The following MAPRE3 variants were observed in gnomAD, a reference collection of about 807,000 sequenced individuals.
MAPRE3 encodes microtubule-associated protein RP/EB family member 3.
Under a neutral mutation model 30.5 loss-of-function variants are expected in MAPRE3, and 2 were observed. The observed-to-expected ratio is 0.07, with a 90% CI of 0.03 to 0.21. The LOEUF (loss-of-function observed/expected upper bound fraction) is 0.21. Among genes scored for constraint, MAPRE3 ranks in the 10% least tolerant of loss-of-function variants. MAPRE3 has a pLI of 1.00. For missense variants in MAPRE3, 204 were observed against 351.8 expected (o/e 0.58, Z 3.36); for synonymous variants, 110 against 127.7 (o/e 0.86, Z 0.93).
chr2:26,987,503 T>C (rs540862045), intron 1 of MAPRE3, among the ~76,000 whole-genome samples: 4 of 152,224 alleles, frequency 2.6e-5, no homozygotes, highest in South Asian at 4.2e-4. Flanking sequence ...CTGGGCATGG[T>C]GGCAGGCACC....
chr2:27,020,799 C>G (rs1409495602), intron 1 of MAPRE3, among the ~76,000 whole-genome samples: 1 of 152,136 alleles, frequency 6.6e-6, no homozygotes, highest in Admixed American at 6.5e-5. Context: ...GTGGCCAGAC[C>G]TGCTTTTAGG....
At position 26,986,911 on chromosome 2, in the gene MAPRE3, G is replaced by A. The variant is rs1439227247; in HGVS notation, c.-8+16109G>A. The A allele has an allele frequency of 3.3e-5, 5 of 152,410 alleles. No homozygotes were observed. The highest frequency in any genetic ancestry group is 5.9e-5 in the Non-Finnish European group (4 of 68,170). 9.4% of individuals were successfully genotyped at this position (152,410 alleles called of 1,614,324 possible). A position where few individuals can be genotyped will look rare whatever the true frequency, so the allele number is the denominator to read the frequency against. On this transcript the variant is annotated intron_variant, in intron 1 of 6. Transcript: ENST00000233121. The surrounding 1 kb of genome is among the most constrained non-coding windows in gnomAD (Gnocchi z 4.2). The stretch of plus-strand genomic sequence containing the variant: ...TGGAAATGGTGCTTGTGGAGTGTTG[G>A]TTGGAGGGAGAGTGGGAAGCTGAGG...
intron 1 of MAPRE3, among the ~76,000 whole-genome samples, chr2:27,001,276 A>G (rs1244760431): frequency 6.6e-6 from 1 of 152,254 alleles, no homozygotes; most frequent in East Asian, 1.9e-4. Flanking sequence ...CTCCTAGGCT[A>G]CAAACTTGTA....
At position 27,025,720 on chromosome 2, in the gene MAPRE3, C is replaced by A. The variant is rs1667225274; in HGVS notation, c.607C>A (p.Leu203Ile). The change falls in exon 5 of 7, where the codon CTT (leucine) becomes ATT (isoleucine). Residue 203 changes from leucine to isoleucine, a missense_variant. Leu to Ile is a conservative substitution (Grantham distance 5, BLOSUM62 2). This residue lies in a region of MAPRE3 where 42 missense variants were observed against 81.2 expected (regional missense o/e 0.52). Transcript: ENST00000233121. The stretch of plus-strand genomic sequence containing the variant: ...CGGCCATGAGACTGATGCCCAAATT[C>A]TTGAACTCAACCAACAGGTGAGTGG... ...NGGHETDAQI[L>I]ELNQQLVDLK... is the part of the protein sequence containing the mutation. The A allele has an allele frequency of 6.2e-7, 1 of 1,614,082 alleles. No individual in the cohort carries two copies. The highest frequency in any genetic ancestry group is 1.1e-5 in the South Asian group (1 of 91,088).
rs557917676 is a variant in MAPRE3, at chr2:26,991,516, C to T, written c.-8+20714C>T. ...CTACAAATGGTCTGTGGGTCACTGC[C>T]GCTTGCTTTCTCAAATCCCTACTCC... is the stretch of plus-strand genomic sequence containing the variant. On this transcript the variant is annotated intron_variant, in intron 1 of 6. Transcript: ENST00000233121. Among the ~76,000 whole-genome samples, 24 of 152,292 alleles carry T rather than the reference C, an allele frequency of 1.6e-4. No individual in the cohort carries two copies. The East Asian group carries it at 2.9e-3, about 18-fold the overall frequency.
rs150142334 is a variant in MAPRE3 at position 27,016,185 on chromosome 2, A to G, written c.-7-6027A>G. 2.4e-3 allele frequency among the ~76,000 whole-genome samples: 371 copies of G among 152,230 alleles called. 1 individual carries two copies. The highest frequency in any genetic ancestry group is 8.6e-3 in the African/African-American group (355 of 41,516). On this transcript the variant is annotated intron_variant, in intron 1 of 6. Transcript: ENST00000233121. ...GATGATGACATGCCACAATCCAATC[A>G]GGGTCTGTTTCTCCTGACAGTCACA...
At chr2:27,022,178 C>G (rs571015826) in intron 1 of MAPRE3, 34 bp from the exon 2 acceptor site, 1 of 1,607,708 alleles carries the variant, frequency 6.2e-7, no homozygotes, top group African/African-American at 1.3e-5. Context: ...CATGAGGCCC[C>G]AGTGCTGACC....
intron 1 of MAPRE3, chr2:27,014,462 G>A (rs1666935962): frequency 2.0e-5 from 3 of 152,238 alleles, no homozygotes; most frequent in African/African-American, 4.8e-5. Flanking sequence ...ACCTAAAAGT[G>A]TTGTGAGAAC....
At chr2:27,001,702 G>A (rs915415259) in intron 1 of MAPRE3, among the ~76,000 whole-genome samples, 7 of 151,956 alleles carry the variant, frequency 4.6e-5, no homozygotes, top group South Asian at 2.1e-4. Flanking sequence ...ACACACATAC[G>A]TACATACATG....
intron 1 of MAPRE3, among the ~76,000 whole-genome samples, chr2:27,010,425 T>G (rs1296868933): frequency 1.3e-5 from 2 of 149,642 alleles, no homozygotes; most frequent in East Asian, 4.0e-4. Flanking sequence ...CAAGCCTACT[T>G]TTAATCTGTA....
In MAPRE3 at chr2:26,985,370, C is replaced by T. The variant is rs1666196673; in HGVS notation, c.-8+14568C>T. Among the ~76,000 whole-genome samples, 1 of 152,228 alleles carries T rather than the reference C, an allele frequency of 6.6e-6. No individual in the cohort carries two copies. Among genetic ancestry groups the T allele is most frequent in the African/African-American group, 2.4e-5 (1 of 41,462 alleles). On this transcript the variant is annotated intron_variant, in intron 1 of 6. Transcript: ENST00000233121. The surrounding 1 kb of genome is among the most constrained non-coding windows in gnomAD (Gnocchi z 4.2). ...CATCTCATTTCTCCATGTGCAAAGACTTAGCCAGAGAGCATTCTGGCAGCA... is the reference window on the plus strand; with the variant it reads ...CATCTCATTTCTCCATGTGCAAAGATTTAGCCAGAGAGCATTCTGGCAGCA...
In MAPRE3 at chr2:27,018,895, T is replaced by TTTTTTTTATTTATTTATTTA. The variant is rs376046795; in HGVS notation, c.-7-3314_-7-3313insTTTTATTTATTTATTTATTT. On this transcript the variant is annotated intron_variant, in intron 1 of 6. Transcript: ENST00000233121. ...AGGTGGAAGGGGCAGGCACACACAT[T>TTTTTTTTATTTATTTATTTA]TTTATTTATTTATTTATTTATTTAT... Among the ~76,000 whole-genome samples, 1,356 of 146,920 alleles carry TTTTTTTTATTTATTTATTTA rather than the reference T, an allele frequency of 9.2e-3. 26 individuals are homozygous for TTTTTTTTATTTATTTATTTA. Among genetic ancestry groups the TTTTTTTTATTTATTTATTTA allele is most frequent in the African/African-American group, 0.033 (1,283 of 39,432 alleles).
At chr2:27,020,684 T>C (rs1270239297) in intron 1 of MAPRE3, among the ~76,000 whole-genome samples, 2 of 152,220 alleles carry the variant, frequency 1.3e-5, no homozygotes, top group African/African-American at 4.8e-5. Flanking sequence ...CAAAACTGTT[T>C]CCAACACTAT....
At chr2:27,010,504 G>T (rs527913717) in intron 1 of MAPRE3, among the ~76,000 whole-genome samples, 19 of 148,398 alleles carry the variant, frequency 1.3e-4, no homozygotes, top group African/African-American at 4.7e-4. Context: ...GTGCAGTGGT[G>T]TGATATTGGC....
intron 3 of MAPRE3, 187 bp from the exon 4 acceptor site, chr2:27,023,909 T>C (rs1667169722): frequency 1.0e-5 from 6 of 584,278 alleles, no homozygotes; most frequent in Middle Eastern, 4.1e-4. Flanking sequence ...GGGATGCCTC[T>C]GGATCTGACA....
Position 26,986,013 on chromosome 2 carries a change from C to G in MAPRE3, c.-8+15211C>G, listed in dbSNP as rs1193574652. Among the ~76,000 whole-genome samples the G allele has an allele frequency of 6.6e-6, 1 of 152,170 alleles. No individual in the cohort carries two copies. Among genetic ancestry groups the G allele is most frequent in the Non-Finnish European group, 1.5e-5 (1 of 68,034 alleles). ...ATGACCTTTGTTGTTTTCAGCCACC[C>G]AGTTTGTGGTCATTTGTCACAGTAG... On this transcript the variant is annotated intron_variant, in intron 1 of 6. Transcript: ENST00000233121. The surrounding 1 kb of genome is among the most constrained non-coding windows in gnomAD (Gnocchi z 4.2).
intron 1 of MAPRE3, among the ~76,000 whole-genome samples, chr2:26,979,430 T>G (rs945752541): frequency 6.6e-6 from 1 of 152,060 alleles, no homozygotes; most frequent in African/African-American, 2.4e-5. Context: ...CAAAAATTGT[T>G]TTTAAATTAG....
intron 1 of MAPRE3, chr2:27,014,869 G>A (rs1558384299): frequency 6.6e-6 from 1 of 152,398 alleles, no homozygotes; most frequent in Non-Finnish European, 1.5e-5. Context: ...GGGCAGGAAG[G>A]GGTAGCCCAG....
intron 1 of MAPRE3, among the ~76,000 whole-genome samples, chr2:26,977,704 C>T (rs1435009373): frequency 6.6e-6 from 1 of 152,208 alleles, no homozygotes; most frequent in Non-Finnish European, 1.5e-5. Flanking sequence ...CTAGGCCACT[C>T]CCCCTGTGCC....
Sources: allele counts gnomAD v4.1 joint callset (sites outside exome capture counted in the v4.1 genomes callset), GRCh38; gene constraint gnomAD v4.1.1; regional missense constraint gnomAD v4.1.1; non-coding constraint Gnocchi (gnomAD v3.1); transcripts MANE v1.5; gene names NCBI Gene and HGNC (gene_info 2026-07-23, HGNC 2026-07-21).